The following RTN4 variants were observed in gnomAD, a reference collection of about 807,000 sequenced individuals.
RTN4 encodes reticulon 4, also known as reticulon-4.
A neutral mutation model predicts 90.4 loss-of-function variants in RTN4; 32 were observed. The observed-to-expected ratio is 0.35, with a 90% CI of 0.27 to 0.48. The LOEUF is 0.48. Among genes scored for constraint, RTN4 ranks in the 20% least tolerant of loss-of-function variants. RTN4 has a pLI of 0.99. For synonymous variants in RTN4, 629 were observed against 552.5 expected, an observed-to-expected ratio of 1.14 and a Z score of -1.94; for missense variants, 1,706 against 1,430.2, an observed-to-expected ratio of 1.19 and a Z score of -3.11.
At chr2:55,033,253 CAAT>C (rs1682452297) in intron 1 of RTN4, among the ~76,000 whole-genome samples, 1 of 152,020 alleles carries the variant, frequency 6.6e-6, no homozygotes, top group African/African-American at 2.4e-5. Context: ...AGGTAAACAA[CAAT>C]AAGAATGACC....
chr2:55,110,089 G>C lies in RTN4; in HGVS notation c.-214+2431C>G, dbSNP rs564775316. 3.3e-5 allele frequency among the ~76,000 whole-genome samples: 5 copies of C among 152,138 alleles called. No individual in the cohort carries two copies. In the South Asian group the frequency reaches 1.0e-3, roughly 32 times the overall value. On this transcript the variant is annotated intron_variant, in intron 1 of 3. Transcript: ENST00000427710. ...TGTGGGAAGTCGAGACTGGTGGATA[G>C]CTTGAGCCCAGGAGTTCGAGACCAG...
intron 1 of RTN4, among the ~76,000 whole-genome samples, chr2:55,107,619 G>A (rs1311556609): frequency 2.0e-5 from 3 of 151,980 alleles, no homozygotes; most frequent in Non-Finnish European, 4.4e-5. Flanking sequence ...TATAGAATAA[G>A]TTCAGGCACT....
chr2:55,088,031 G>A (rs866716583), intron 1 of RTN4, among the ~76,000 whole-genome samples: 9 of 152,184 alleles, frequency 5.9e-5, no homozygotes, highest in Middle Eastern at 3.2e-3. Flanking sequence ...TTATTTAAGC[G>A]GGGCCTGGGG....
intron 1 of RTN4, among the ~76,000 whole-genome samples, chr2:55,096,861 G>C (rs1667740891): frequency 6.6e-6 from 1 of 150,616 alleles, no homozygotes; most frequent in South Asian, 2.1e-4. Context: ...AAAATACGAA[G>C]AAAGGCTTCC....
upstream of RTN4, among the ~76,000 whole-genome samples, chr2:55,113,012 A>C (rs991866413): frequency 1.4e-4 from 22 of 152,344 alleles, 1 homozygote; most frequent in African/African-American, 5.3e-4. Flanking sequence ...AACGTGAGCA[A>C]CTGGGAGCTC....
intron 1 of RTN4, among the ~76,000 whole-genome samples, chr2:55,083,868 CATCTCA>C (rs1255566970): frequency 6.6e-6 from 1 of 152,204 alleles, no homozygotes; most frequent in African/African-American, 2.4e-5. Flanking sequence ...ATTTCCTGAG[CATCTCA>C]ATTGCTAGGT....
At chr2:55,097,219 T>C (rs1667752735) in intron 1 of RTN4, among the ~76,000 whole-genome samples, 1 of 151,464 alleles carries the variant, frequency 6.6e-6, no homozygotes, top group South Asian at 2.1e-4. Context: ...GGAGGATTGC[T>C]TGAGCCCAGG....
intron 1 of RTN4, among the ~76,000 whole-genome samples, chr2:55,099,582 G>A (rs985615606): frequency 6.6e-6 from 1 of 152,006 alleles, no homozygotes; most frequent in African/African-American, 2.4e-5. Flanking sequence ...TCAGGGATTT[G>A]GGGGTGCTCT....
Position 55,028,169 on chromosome 2 carries a change from G to A in RTN4, c.608C>T (p.Ser203Phe), listed in dbSNP as rs201780227. Residue 203 changes from serine to phenylalanine, a missense_variant, in exon 2 of 9, where the codon TCT (serine) becomes TTT (phenylalanine). By Grantham distance (155) the Ser-to-Phe change is radical (BLOSUM62 -2). Coordinates refer to ENST00000337526, the MANE Select transcript of RTN4 (RefSeq NM_020532.5). ...PAASEPVIRS[S>F]AENMDLKEQP... ...GGCTGGCAGAAAGAACTTGCCTGCA[G>A]AGGAGCGTATCACAGGCTCAGATGC... The A allele has an allele frequency of 1.1e-5, 17 of 1,612,650 alleles. No individual in the cohort carries two copies. Among genetic ancestry groups the A allele is most frequent in the East Asian group, 2.2e-5 (1 of 44,852 alleles).
At chr2:55,090,787 C>T (rs1160764748) in intron 1 of RTN4, among the ~76,000 whole-genome samples, 4 of 152,264 alleles carry the variant, frequency 2.6e-5, no homozygotes, top group Admixed American at 6.5e-5. Flanking sequence ...AAACCAAACT[C>T]GGCTCCACCC....
At chr2:54,987,889 C>T (rs1678695511) in intron 3 of RTN4, among the ~76,000 whole-genome samples, 191 bp from the exon 4 acceptor site, 1 of 152,212 alleles carries the variant, frequency 6.6e-6, no homozygotes, top group African/African-American at 2.4e-5. Context: ...ATTAGTATAA[C>T]ACCTTTATTT....
chr2:55,113,858 A>G (rs888666179), upstream of RTN4, among the ~76,000 whole-genome samples: 1 of 152,174 alleles, frequency 6.6e-6, no homozygotes, highest in African/African-American at 2.4e-5. Flanking sequence ...CAGGCCCTTC[A>G]CTGCTCTTGG....
chr2:55,039,610 T>C (rs1282806760), intron 1 of RTN4, among the ~76,000 whole-genome samples: 1 of 152,108 alleles, frequency 6.6e-6, no homozygotes, highest in African/African-American at 2.4e-5. Context: ...TGAAACCCCA[T>C]CTCTACTAAA....
At chr2:55,088,135 C>T (rs1037129261) in intron 1 of RTN4, among the ~76,000 whole-genome samples, 10 of 152,192 alleles carry the variant, frequency 6.6e-5, no homozygotes, top group African/African-American at 2.4e-4. Context: ...CAAGTACTTA[C>T]GGGTTATGTT....
intron 4 of RTN4, among the ~76,000 whole-genome samples, chr2:54,983,718 T>C (rs1053373515): frequency 1.4e-4 from 22 of 152,196 alleles, no homozygotes; most frequent in African/African-American, 5.3e-4. Flanking sequence ...CCAAATCCAT[T>C]CCGTCAGCCA....
In RTN4 at chr2:54,987,473, G is replaced by A; in HGVS notation, c.3221+18C>T. 1 of 1,565,854 alleles carries A rather than the reference G, an allele frequency of 6.4e-7. No homozygotes were observed. Among genetic ancestry groups the A allele is most frequent in the Non-Finnish European group, 8.8e-7 (1 of 1,135,642 alleles). ...TTACACTATTGCCAATGCATGCCTT[G>A]TTTTCCAGACATCTCACCTGAATGG... On this transcript the variant is annotated intron_variant, in intron 4 of 8. Transcript: ENST00000337526.
rs1392343852 is a variant in RTN4 at position 55,026,498 on chromosome 2, T to C, written c.1601A>G (p.Asn534Ser). The C allele has an allele frequency of 6.2e-7, 1 of 1,613,864 alleles. No individual in the cohort carries two copies. Among genetic ancestry groups the C allele is most frequent in the Non-Finnish European group, 8.5e-7 (1 of 1,179,928 alleles). Residue 534 changes from asparagine (N) to serine (S), a missense_variant, in exon 3 of 9, where the codon AAT (asparagine) becomes AGT (serine). Coordinates refer to ENST00000337526, the MANE Select transcript of RTN4 (RefSeq NM_020532.5). Reference sequence around the variant, plus strand: ...GACTTCCTCAGTCACCTTTGTTAAATTATCTGTTGTGACATAATCTGTCTC... The same window carrying C: ...GACTTCCTCAGTCACCTTTGTTAAACTATCTGTTGTGACATAATCTGTCTC... ...DSETDYVTTDNLTKVTEEVVA... is the reference protein window; with the variant it reads ...DSETDYVTTDSLTKVTEEVVA...
chr2:55,132,615 C>T, the RTN4 span, among the ~76,000 whole-genome samples: 3 of 151,688 alleles, frequency 2.0e-5, no homozygotes, highest in African/African-American at 4.8e-5. Flanking sequence ...AGTTTGAGAC[C>T]AGCCTGGGCA....
intron 1 of RTN4, among the ~76,000 whole-genome samples, chr2:55,083,584 TA>T (rs1668775860): frequency 6.6e-6 from 1 of 152,128 alleles, no homozygotes; most frequent in African/African-American, 2.4e-5. Context: ...CGTACTAGAA[TA>T]AAAAGCACAT....
Sources: allele counts gnomAD v4.1 joint callset (sites outside exome capture counted in the v4.1 genomes callset), GRCh38; gene constraint gnomAD v4.1.1; transcripts MANE v1.5; gene names NCBI Gene and HGNC (gene_info 2026-07-23, HGNC 2026-07-21).